The following CSMD1 variants were observed in gnomAD, a reference collection of about 807,000 sequenced individuals.
The protein encoded by CSMD1 is CUB and sushi domain-containing protein 1.
CSMD1 carries 213 observed loss-of-function variants against 417.5 expected under a neutral mutation model. The ratio of observed to expected loss-of-function variants is 0.51; its 90% CI spans 0.46 to 0.57. The LOEUF is 0.57. Among genes scored for constraint, CSMD1 ranks in the 20% least tolerant of loss-of-function variants. CSMD1 has a pLI of 0.00. For synonymous variants in CSMD1, 2,862 were observed against 1,736.8 expected (o/e 1.65, Z -16.11); for missense variants, 6,923 against 4,529.7 (o/e 1.53, Z -15.17).
At chr8:4,600,363 A>G (rs2130761804) in intron 2 of CSMD1, among the ~76,000 whole-genome samples, 1 of 152,318 alleles carries the variant, frequency 6.6e-6, no homozygotes, top group African/African-American at 2.4e-5. Context: ...ATAAACGGTG[A>G]AGTTTAAAGA....
chr8:3,241,712 C>T (rs142116431), intron 26 of CSMD1, among the ~76,000 whole-genome samples: 9,950 of 152,142 alleles, frequency 0.065, 457 homozygotes, highest in Non-Finnish European at 0.093. Flanking sequence ...TCTGGAGGAA[C>T]GCCTGGCCGC....
intron 5 of CSMD1, among the ~76,000 whole-genome samples, chr8:3,763,150 G>C (rs564010573): frequency 1.3e-5 from 2 of 152,208 alleles, no homozygotes; most frequent in South Asian, 4.1e-4. Flanking sequence ...ATAAGCCAAA[G>C]AGGTCTCTTC....
intron 1 of CSMD1, among the ~76,000 whole-genome samples, chr8:4,992,000 C>T (rs1042092283): frequency 6.6e-6 from 1 of 152,182 alleles, no homozygotes; most frequent in African/African-American, 2.4e-5. Context: ...CACACACTTG[C>T]GCACAGCACC....
At chr8:4,617,930 T>C (rs1297436648) in intron 2 of CSMD1, among the ~76,000 whole-genome samples, 1 of 152,156 alleles carries the variant, frequency 6.6e-6, no homozygotes, top group East Asian at 1.9e-4. Context: ...ATAACACTTG[T>C]TAATTAACTT....
At chr8:3,090,422 G>C (rs1399543283) in intron 48 of CSMD1, among the ~76,000 whole-genome samples, 1 of 151,466 alleles carries the variant, frequency 6.6e-6, no homozygotes, top group Non-Finnish European at 1.5e-5. Flanking sequence ...TGCAGCAAAG[G>C]TCTGAGTATA....
At chr8:3,817,231 A>AAGTGG (rs936771735) in intron 5 of CSMD1, among the ~76,000 whole-genome samples, 2 of 131,404 alleles carry the variant, frequency 1.5e-5, no homozygotes, top group African/African-American at 5.3e-5. Flanking sequence ...TCCAAATCCA[A>AAGTGG]AGTGGTCATA....
intron 33 of CSMD1, among the ~76,000 whole-genome samples, chr8:3,197,282 T>C (rs7823098): frequency 0.66 from 100,023 of 151,914 alleles, 34,225 homozygotes; most frequent in Non-Finnish European, 0.76. Flanking sequence ...TTTTTCACTG[T>C]AGACCCCAGC....
intron 3 of CSMD1, among the ~76,000 whole-genome samples, chr8:4,263,320 C>T (rs111561110): frequency 1.7e-4 from 26 of 152,192 alleles, no homozygotes; most frequent in African/African-American, 6.0e-4. Flanking sequence ...CCAAAAGGGG[C>T]CTCTGTGACT....
intron 2 of CSMD1, among the ~76,000 whole-genome samples, chr8:4,503,402 T>G (rs1802359410): frequency 6.6e-6 from 1 of 152,172 alleles, no homozygotes; most frequent in South Asian, 2.1e-4. Context: ...ATGTATCAGC[T>G]AATAAAATAA....
At position 4,707,615 on chromosome 8, in the gene CSMD1, G is replaced by C. The variant is rs181215092; in HGVS notation, c.86-70057C>G. On this transcript the variant is annotated intron_variant, in intron 1 of 69. Transcript: ENST00000635120. ...CAAGAGAGGGGAAAGAGCCAGCCAT[G>C]ATGGCTCACTCCTGTAATCCCAGCA... 2.6e-5 allele frequency among the ~76,000 whole-genome samples: 4 copies of C among 152,154 alleles called. No individual in the cohort carries two copies. In the East Asian group the frequency reaches 7.8e-4, roughly 30 times the overall value.
intron 10 of CSMD1, among the ~76,000 whole-genome samples, chr8:3,542,891 G>T (rs1214343895): frequency 6.6e-6 from 1 of 152,160 alleles, no homozygotes; most frequent in African/African-American, 2.4e-5. Context: ...TGCAAGTGGG[G>T]CTCATGCGGT....
At chr8:3,451,410 T>C (rs1480825987) in intron 12 of CSMD1, among the ~76,000 whole-genome samples, 5 of 152,190 alleles carry the variant, frequency 3.3e-5, no homozygotes, top group Non-Finnish European at 7.3e-5. Context: ...TCCTGAATGG[T>C]ATTGCCTAGG....
chr8:3,374,794 T>G (rs1484697600), intron 18 of CSMD1, among the ~76,000 whole-genome samples: 2 of 152,152 alleles, frequency 1.3e-5, no homozygotes, highest in Admixed American at 6.5e-5. Flanking sequence ...CACAGCCCTC[T>G]GGGGATTCTT....
intron 5 of CSMD1, among the ~76,000 whole-genome samples, chr8:3,838,336 G>A (rs188463358): frequency 1.3e-5 from 2 of 151,780 alleles, no homozygotes; most frequent in Admixed American, 6.6e-5. Context: ...AGTAGTTCCA[G>A]ACCAGCCTGG....
chr8:4,070,787 G>C (rs1585249433), intron 3 of CSMD1, among the ~76,000 whole-genome samples: 1 of 152,164 alleles, frequency 6.6e-6, no homozygotes. Flanking sequence ...CTCATAAGCT[G>C]TCATAGCTTC....
chr8:3,596,429 T>G (rs1256922341), intron 8 of CSMD1, among the ~76,000 whole-genome samples: 1 of 152,144 alleles, frequency 6.6e-6, no homozygotes, highest in East Asian at 1.9e-4. Context: ...GGAGGCTGAT[T>G]CCCAAATCAC....
intron 5 of CSMD1, among the ~76,000 whole-genome samples, chr8:3,833,552 C>G (rs13252603): frequency 2.6e-5 from 4 of 151,822 alleles, no homozygotes; most frequent in East Asian, 3.9e-4. Flanking sequence ...TTTTTGTGTC[C>G]TAAGTGGTAA....
intron 5 of CSMD1, among the ~76,000 whole-genome samples, chr8:3,873,712 T>A (rs1190746784): frequency 6.6e-6 from 1 of 151,956 alleles, no homozygotes; most frequent in African/African-American, 2.4e-5. Context: ...TAAAAATAAA[T>A]AAATAAATAA....
At chr8:4,563,734 C>T (rs1173540705) in intron 2 of CSMD1, among the ~76,000 whole-genome samples, 3 of 152,190 alleles carry the variant, frequency 2.0e-5, no homozygotes, top group African/African-American at 7.2e-5. Flanking sequence ...GAAAATGTGA[C>T]CTGTTGACAT....
Sources: allele counts gnomAD v4.1 joint callset (sites outside exome capture counted in the v4.1 genomes callset), GRCh38; gene constraint gnomAD v4.1.1; transcripts MANE v1.5; gene names NCBI Gene and HGNC (gene_info 2026-07-23, HGNC 2026-07-21).